The following IPCEF1 variants were observed in gnomAD, a reference collection of about 807,000 sequenced individuals.
IPCEF1 encodes interactor protein for cytohesin exchange factors 1.
A neutral mutation model predicts 50.9 loss-of-function variants in IPCEF1; 31 were observed. The ratio of observed to expected loss-of-function variants is 0.61; its 90% CI spans 0.46 to 0.82. The LOEUF (loss-of-function observed/expected upper bound fraction) is 0.82. Among genes scored for constraint, IPCEF1 ranks in the 40% least tolerant of loss-of-function variants. The probability of loss-of-function intolerance (pLI) is 0.00; values close to 1 mark genes in which losing one functional copy is unlikely to be tolerated. For missense variants in IPCEF1, 458 were observed against 514.0 expected, an observed-to-expected ratio of 0.89 and a Z score of 1.05; for synonymous variants, 181 against 192.0, an observed-to-expected ratio of 0.94 and a Z score of 0.47.
chr6:154,297,482 A>G (rs1782694178), intron 1 of IPCEF1, among the ~76,000 whole-genome samples: 2 of 152,208 alleles, frequency 1.3e-5, no homozygotes, highest in Non-Finnish European at 2.9e-5. Context: ...TTCAGGGCTC[A>G]TGGTCACCAT....
intron 1 of IPCEF1, among the ~76,000 whole-genome samples, chr6:154,341,920 C>T (rs549324220): frequency 6.6e-6 from 1 of 152,178 alleles, no homozygotes; most frequent in Non-Finnish European, 1.5e-5. Context: ...CTGCTACCCA[C>T]TTGGATTGAT....
At chr6:154,257,207 AT>A (rs1247228546) in intron 3 of IPCEF1, among the ~76,000 whole-genome samples, 1 of 152,150 alleles carries the variant, frequency 6.6e-6, no homozygotes, top group East Asian at 1.9e-4. Context: ...AAAATGTGTC[AT>A]CTCAGGCAGT....
At chr6:154,265,844 A>G (rs1262427664) in intron 3 of IPCEF1, 68 bp downstream of exon 3, 2 of 1,110,772 alleles carry the variant, frequency 1.8e-6, no homozygotes, top group Admixed American at 2.4e-5. Flanking sequence ...CTTGAAATCA[A>G]CCTACTATTT....
In IPCEF1 at chr6:154,166,884, C is replaced by T. The variant is rs185980155; in HGVS notation, c.1104+1036G>A. ...GGCGGCCAGTGATATCTTTTATTATCGATAAAAATTTTAATATTAAATAAG... is the reference window on the plus strand; with the variant it reads ...GGCGGCCAGTGATATCTTTTATTATTGATAAAAATTTTAATATTAAATAAG... On this transcript the variant is annotated intron_variant, in intron 11 of 11. Transcript: ENST00000367220. Among the ~76,000 whole-genome samples the T allele has an allele frequency of 3.0e-3, 459 of 152,158 alleles. 1 individual carries two copies. Among genetic ancestry groups the T allele is most frequent in the African/African-American group, 8.3e-3 (345 of 41,504 alleles).
intron 5 of IPCEF1, among the ~76,000 whole-genome samples, chr6:154,235,894 A>G (rs1780092545): frequency 6.6e-6 from 1 of 152,236 alleles, no homozygotes; most frequent in Non-Finnish European, 1.5e-5. Context: ...TAATTAATTA[A>G]GTGACAAGCA....
intron 1 of IPCEF1, among the ~76,000 whole-genome samples, chr6:154,339,079 C>T (rs919493769): frequency 6.6e-6 from 1 of 152,136 alleles, no homozygotes; most frequent in African/African-American, 2.4e-5. Context: ...GGAACTGCCT[C>T]TTCTTTTTTC....
intron 1 of IPCEF1, among the ~76,000 whole-genome samples, chr6:154,291,032 T>C (rs911132148): frequency 7.9e-5 from 12 of 152,036 alleles, no homozygotes; most frequent in African/African-American, 1.2e-4. Flanking sequence ...TAGCTGGGAT[T>C]ACAGGCACCT....
intron 1 of IPCEF1, among the ~76,000 whole-genome samples, chr6:154,349,270 C>A (rs1279869288): frequency 2.0e-5 from 3 of 151,792 alleles, no homozygotes; most frequent in Non-Finnish European, 4.4e-5. Flanking sequence ...TTGCCTACTG[C>A]AACCTCAATC....
chr6:154,340,536 G>A (rs1783888627), intron 1 of IPCEF1, among the ~76,000 whole-genome samples: 1 of 151,890 alleles, frequency 6.6e-6, no homozygotes, highest in South Asian at 2.1e-4. Context: ...ACAGGCATGA[G>A]CCACTGCGCC....
At chr6:154,236,748 C>G (rs1021885738) in intron 5 of IPCEF1, among the ~76,000 whole-genome samples, 1 of 152,012 alleles carries the variant, frequency 6.6e-6, no homozygotes, top group South Asian at 2.1e-4. Flanking sequence ...GACATAGAGG[C>G]GAGGCCCAGA....
chr6:154,281,182 TACAAAA>T (rs1346023661), intron 2 of IPCEF1, among the ~76,000 whole-genome samples: 3 of 18,856 alleles, frequency 1.6e-4, no homozygotes, highest in African/African-American at 5.8e-4. Flanking sequence ...CCTACTAAAA[TACAAAA>T]AAAAAAAAAA....
Position 154,158,973 on chromosome 6 carries a change from T to C in IPCEF1, c.*855A>G, listed in dbSNP as rs895307393. On this transcript the variant is annotated 3_prime_UTR_variant, in exon 12 of 12. Transcript: ENST00000367220. ...GATGCCAAAGTCGTCTTGTCAATAT[T>C]GATCCTGGGAAACCTGGATATAAAT... 1 of 152,192 alleles carries C rather than the reference T, an allele frequency of 6.6e-6. No individual in the cohort carries two copies. Among genetic ancestry groups the C allele is most frequent in the African/African-American group, 2.4e-5 (1 of 41,454 alleles). 9.4% of individuals were successfully genotyped at this position (152,192 alleles called of 1,614,324 possible).
At chr6:154,221,699 C>T (rs1471145803) in intron 6 of IPCEF1, among the ~76,000 whole-genome samples, 3 of 151,968 alleles carry the variant, frequency 2.0e-5, no homozygotes, top group Non-Finnish European at 1.5e-5. Context: ...TGGTGAAACC[C>T]CGTCTCTACT....
Position 154,243,271 on chromosome 6 carries a change from T to C in IPCEF1, c.246+3320A>G, listed in dbSNP as rs552610942. Among the ~76,000 whole-genome samples, 135 of 152,344 alleles carry C rather than the reference T, an allele frequency of 8.9e-4. 1 individual carries two copies. The highest frequency in any genetic ancestry group is 3.0e-3 in the African/African-American group (125 of 41,570). On this transcript the variant is annotated intron_variant, in intron 5 of 11. Coordinates refer to ENST00000367220, the MANE Select transcript of IPCEF1 (RefSeq NM_001130700.2). ...GGGCAAGGGAAAACAAAACTGTGGA[T>C]TTTAAATCCAAGATTTTACCAGCTT...
At chr6:154,220,282 T>G (rs1778758444) in intron 7 of IPCEF1, among the ~76,000 whole-genome samples, 1 of 152,124 alleles carries the variant, frequency 6.6e-6, no homozygotes, top group South Asian at 2.1e-4. Context: ...TAAGAGACAC[T>G]AAGAATTCTG....
chr6:154,162,431 A>G (rs1017374178), intron 11 of IPCEF1, among the ~76,000 whole-genome samples: 2 of 152,220 alleles, frequency 1.3e-5, no homozygotes, highest in African/African-American at 4.8e-5. Context: ...GAAGACCATC[A>G]GTGACCTCCA....
chr6:154,317,739 A>G (rs551972973), intron 1 of IPCEF1, among the ~76,000 whole-genome samples: 248 of 151,998 alleles, frequency 1.6e-3, no homozygotes, highest in African/African-American at 5.8e-3. Context: ...GGTCTCATAC[A>G]AAGATGAGAA....
At chr6:154,334,214 G>C (rs143572860) in intron 1 of IPCEF1, among the ~76,000 whole-genome samples, 1 of 152,136 alleles carries the variant, frequency 6.6e-6, no homozygotes, top group African/African-American at 2.4e-5. Flanking sequence ...ACAATTTAAA[G>C]ACCTTCTCTT....
chr6:154,326,935 G>C (rs11962233), intron 1 of IPCEF1, among the ~76,000 whole-genome samples: 8,972 of 152,100 alleles, frequency 0.059, 896 homozygotes, highest in African/African-American at 0.2. Flanking sequence ...TCTGATCTTC[G>C]ACAAACCTGA....
Sources: gnomAD v4.1 joint callset for allele counts (sites outside exome capture counted in the v4.1 genomes callset) on GRCh38, gnomAD v4.1.1 for gene constraint, MANE v1.5 for transcripts, NCBI Gene and HGNC (gene_info 2026-07-23, HGNC 2026-07-21) for gene names.